DOP1A: variants seen among roughly 807,000 people sequenced by gnomAD.
DOP1A encodes DOP1 leucine zipper like protein A.
In DOP1A, 90 loss-of-function variants were observed where a neutral mutation model predicts 267.6. The ratio of observed to expected loss-of-function variants is 0.34; its 90% confidence interval spans 0.28 to 0.40. The LOEUF (loss-of-function observed/expected upper bound fraction) is 0.40, where lower values mean the gene tolerates loss of function less well. Ranked by LOEUF, DOP1A falls within the 10% of genes least tolerant of loss-of-function variation. The pLI, the probability that DOP1A is intolerant of heterozygous loss-of-function variation, is 1.00. For missense variants in DOP1A, 2,437 were observed against 2,900.4 expected (o/e 0.84, Z 3.67); for synonymous variants, 932 against 999.1 (o/e 0.93, Z 1.27).
chr6:83,133,244 G>A (rs1306417902), intron 18 of DOP1A, among the ~76,000 whole-genome samples: 4 of 151,720 alleles, frequency 2.6e-5, no homozygotes, highest in African/African-American at 7.3e-5. Context: ...ATAAATCTAG[G>A]ACAAATATAT....
At chr6:83,120,658 A>T (rs745741817) in intron 9 of DOP1A, 25 bp from the exon 10 acceptor site, 3 of 1,488,706 alleles carry the variant, frequency 2.0e-6, no homozygotes, top group Non-Finnish European at 9.1e-7. Flanking sequence ...TACTTAAATG[A>T]CCAGTGTACT....
chr6:83,103,649 T>G (rs1773008949), intron 4 of DOP1A, among the ~76,000 whole-genome samples: 1 of 152,228 alleles, frequency 6.6e-6, no homozygotes. Flanking sequence ...TCTAACTTTT[T>G]GTCCTTATGT....
chr6:83,168,556 G>T, downstream of DOP1A: 1 of 999,660 alleles, frequency 1.0e-6, no homozygotes. Context: ...TCAGAATGGT[G>T]TTCCTTCTCC....
At chr6:83,145,123 G>GTGTATATA (rs1554246599) in intron 24 of DOP1A, among the ~76,000 whole-genome samples, 3 of 47,966 alleles carry the variant, frequency 6.3e-5, no homozygotes, top group African/African-American at 1.6e-4. Flanking sequence ...TACATATATT[G>GTGTATATA]TATATATATA....
chr6:83,166,169 G>T lies in DOP1A; in HGVS notation c.7093-1693G>T, dbSNP rs1262461467. On this transcript the variant is annotated intron_variant, in intron 38 of 38. Coordinates refer to ENST00000349129, the MANE Select transcript of DOP1A (RefSeq NM_015018.4). ...TTTTTTTATTTTTCACTCAGCTCAT[G>T]AGGCACCCATTTATTGAGCTTTTTC... 4 of 507,536 alleles carry T rather than the reference G, an allele frequency of 7.9e-6. 1 individual carries two copies. In the East Asian group the frequency reaches 1.2e-4, roughly 15 times the overall value. The allele number at this position is 507,536 out of a possible 1,614,324, so 31.4% of individuals were successfully genotyped here. A position where few individuals can be genotyped will look rare whatever the true frequency, so the allele number is the denominator to read the frequency against.
intron 1 of DOP1A, among the ~76,000 whole-genome samples, chr6:83,086,482 A>C (rs943580924): frequency 6.6e-6 from 1 of 152,180 alleles, no homozygotes; most frequent in Non-Finnish European, 1.5e-5. Context: ...AAATCCACGA[A>C]GAAACGGACC....
At chr6:83,118,840 ATATATAT>A (rs760835052) in intron 7 of DOP1A, 41 bp from the exon 8 acceptor site, 2 of 1,514,688 alleles carry the variant, frequency 1.3e-6, no homozygotes. Flanking sequence ...GAAAAAAATA[ATATATAT>A]TGTATATTGC....
chr6:83,152,326 CCTT>C lies in DOP1A; in HGVS notation c.6091_6093del (p.Ser2031del), dbSNP rs1562371441. ...TGCAATGGAAACCGCAAACATAACT[CCTT>C]CTGTATATAGTGTCCATGCATTGAC... On this transcript the variant is annotated inframe_deletion, in exon 30 of 39. Coordinates refer to ENST00000349129, the MANE Select transcript of DOP1A (RefSeq NM_015018.4). 4 of 1,572,010 alleles carry C rather than the reference CCTT, an allele frequency of 2.5e-6. No individual in the cohort carries two copies. The highest frequency in any genetic ancestry group is 3.4e-6 in the Non-Finnish European group (4 of 1,161,986).
At chr6:83,071,345 T>TA (rs1182945506) in intron 1 of DOP1A, among the ~76,000 whole-genome samples, 1 of 152,174 alleles carries the variant, frequency 6.6e-6, no homozygotes, top group Non-Finnish European at 1.5e-5. Context: ...TAGCTGGTAT[T>TA]ACAGGCACCC....
chr6:83,105,444 A>C (rs1178951608), intron 4 of DOP1A, among the ~76,000 whole-genome samples: 2 of 135,466 alleles, frequency 1.5e-5, no homozygotes, highest in African/African-American at 2.8e-5. Context: ...GGCCCACTGC[A>C]ACCTCCGCCT....
At chr6:83,139,964 T>A in intron 21 of DOP1A, 36 bp from the exon 22 acceptor site, 1 of 1,441,004 alleles carries the variant, frequency 6.9e-7, no homozygotes. Flanking sequence ...TATACTATCA[T>A]AAAACTTGTG....
intron 3 of DOP1A, among the ~76,000 whole-genome samples, chr6:83,098,614 A>T (rs1771938191): frequency 6.6e-6 from 1 of 152,160 alleles, no homozygotes; most frequent in Admixed American, 6.5e-5. Context: ...TATAAAGGAC[A>T]TTACAAAGGA....
chr6:83,161,639 G>A (rs902682626), intron 37 of DOP1A, among the ~76,000 whole-genome samples: 4 of 152,088 alleles, frequency 2.6e-5, no homozygotes, highest in African/African-American at 7.2e-5. Flanking sequence ...CTGAGTTTCC[G>A]ATTAAAATTA....
chr6:83,142,143 T>TTCCACTTCTCCATATATTGCAGTGGGGC, intron 24 of DOP1A, 97 bp downstream of exon 24: 1 of 1,426,626 alleles, frequency 7.0e-7, no homozygotes, highest in Non-Finnish European at 9.5e-7. Context: ...CGGGGTAGAT[T>TTCCACTTCTCCATATATTGCAGTGGGGC]CGAGTGTAAA....
At chr6:83,096,670 A>G in intron 1 of DOP1A, 61 bp from the exon 2 acceptor site, 1 of 414,030 alleles carries the variant, frequency 2.4e-6, no homozygotes, top group Admixed American at 4.1e-5. Context: ...TGAAATAAGT[A>G]TAAGAAAATT....
rs1781039701 is a variant in DOP1A at position 83,148,831 on chromosome 6, T to A, written c.5805T>A (p.Ser1935Arg). Residue 1935 changes from serine to arginine, a missense_variant, in exon 27 of 39, where the codon AGT (serine) becomes AGA (arginine). Ser to Arg is a moderately radical substitution (Grantham distance 110). Transcript: ENST00000349129. ...LILLKDSIQLSLPAPGQFLIL... is the reference protein window; with the variant it reads ...LILLKDSIQLRLPAPGQFLIL... ...TTCTGAAAGACTCTATACAACTGAG[T>A]CTTCCAGCTCCAGGGCAGTTTCTTA... The A allele has an allele frequency of 6.5e-7, 1 of 1,549,498 alleles. No individual in the cohort carries two copies. Among genetic ancestry groups the A allele is most frequent in the Non-Finnish European group, 8.6e-7 (1 of 1,158,618 alleles).
intron 29 of DOP1A, 54 bp from the exon 30 acceptor site, chr6:83,152,234 A>C: frequency 9.5e-7 from 1 of 1,055,538 alleles, no homozygotes; most frequent in Non-Finnish European, 1.4e-6. Context: ...ACACACACAT[A>C]AAATTTATTT....
In DOP1A at chr6:83,153,968, G is replaced by A; in HGVS notation, c.6314G>A (p.Arg2105Lys). 1 of 1,614,040 alleles carries A rather than the reference G, an allele frequency of 6.2e-7. No homozygotes were observed. ...SSLSGYQYTR[R>K]AWKKEAFDLF... ...CTTAGTGGGTATCAGTACACACGGA[G>A]AGCTTGGAAAAAAGAAGCTTTTGAC... Residue 2105 changes from arginine to lysine, a missense_variant, in exon 32 of 39, where the codon AGA (arginine) becomes AAA (lysine). Physicochemically the swap from Arg to Lys is conservative, Grantham distance 26. Coordinates refer to ENST00000349129, the MANE Select transcript of DOP1A (RefSeq NM_015018.4).
intron 1 of DOP1A, among the ~76,000 whole-genome samples, chr6:83,080,806 T>A (rs1767942806): frequency 6.6e-6 from 1 of 152,232 alleles, no homozygotes; most frequent in Non-Finnish European, 1.5e-5. Context: ...TTAAAATCCC[T>A]GTTTTATAAT....
Sources: gnomAD v4.1 joint callset for allele counts (sites outside exome capture counted in the v4.1 genomes callset) on GRCh38, gnomAD v4.1.1 for gene constraint, MANE v1.5 for transcripts, NCBI Gene and HGNC (gene_info 2026-07-23, HGNC 2026-07-21) for gene names.